The following EYA2 variants were observed in gnomAD, a reference collection of about 807,000 sequenced individuals.
EYA2 encodes the protein protein phosphatase EYA2.
Under a neutral mutation model 69.2 loss-of-function variants are expected in EYA2, and 31 were observed. The observed-to-expected ratio is 0.45, with a 90% CI of 0.34 to 0.60. The LOEUF is 0.60. Among genes scored for constraint, EYA2 ranks in the 20% least tolerant of loss-of-function variants. EYA2 has a pLI of 0.02. For synonymous variants in EYA2, 257 were observed against 279.4 expected, an observed-to-expected ratio of 0.92 and a Z score of 0.80; for missense variants, 622 against 701.2, an observed-to-expected ratio of 0.89 and a Z score of 1.28.
At chr20:47,078,331 G>GCACACACA (rs60383949) in intron 7 of EYA2, among the ~76,000 whole-genome samples, 287 of 123,812 alleles carry the variant, frequency 2.3e-3, no homozygotes, top group East Asian at 4.5e-3. Flanking sequence ...GCGCGCGCGC[G>GCACACACA]CACACACACA....
chr20:47,001,339 T>C, intron 2 of EYA2, 89 bp from the exon 3 acceptor site: 1 of 1,145,712 alleles, frequency 8.7e-7, no homozygotes, highest in African/African-American at 1.5e-5. Context: ...CCAAGTCTGC[T>C]CCTGCTTAAG....
chr20:47,030,749 G>T (rs1984363256), intron 5 of EYA2, among the ~76,000 whole-genome samples: 2 of 152,028 alleles, frequency 1.3e-5, no homozygotes. Flanking sequence ...CACAGAGAGA[G>T]AAATCTCCGG....
intron 1 of EYA2, among the ~76,000 whole-genome samples, chr20:46,946,481 GTTC>G (rs974293427): frequency 6.6e-6 from 1 of 152,086 alleles, no homozygotes. Flanking sequence ...GGCTCCCTTT[GTTC>G]TAAGAACTTT....
At chr20:47,020,570 G>A (rs994261663) in intron 5 of EYA2, among the ~76,000 whole-genome samples, 2 of 151,866 alleles carry the variant, frequency 1.3e-5, no homozygotes, top group Non-Finnish European at 2.9e-5. Context: ...GCTATTCACA[G>A]AAATAACCAC....
chr20:47,104,912 T>C (rs1404567845), intron 9 of EYA2, among the ~76,000 whole-genome samples: 1 of 152,134 alleles, frequency 6.6e-6, no homozygotes, highest in Non-Finnish European at 1.5e-5. Context: ...TCCCAGCTAC[T>C]TGGGAGGCTT....
At chr20:47,024,275 T>C (rs1983950612) in intron 5 of EYA2, among the ~76,000 whole-genome samples, 1 of 152,224 alleles carries the variant, frequency 6.6e-6, no homozygotes, top group Non-Finnish European at 1.5e-5. Context: ...AGTCTTGCTT[T>C]CAGCCTTGCC....
At chr20:47,111,973 A>G (rs1334141790) in intron 9 of EYA2, among the ~76,000 whole-genome samples, 5 of 151,818 alleles carry the variant, frequency 3.3e-5, no homozygotes, top group African/African-American at 9.7e-5. Context: ...GTACAAAAAA[A>G]AATTTTTTTT....
chr20:46,925,234 G>T (rs1237258107), intron 1 of EYA2, among the ~76,000 whole-genome samples: 1 of 152,106 alleles, frequency 6.6e-6, no homozygotes, highest in Non-Finnish European at 1.5e-5. Flanking sequence ...AAGGCCAGAG[G>T]GTGACAACTT....
At chr20:46,969,220 T>G (rs1979979502) in intron 1 of EYA2, among the ~76,000 whole-genome samples, 2 of 133,320 alleles carry the variant, frequency 1.5e-5, no homozygotes, top group South Asian at 2.3e-4. Context: ...TTGTTTTTGG[T>G]TTTTTTTTTG....
In EYA2 at chr20:47,126,531, CAAGA is replaced by C. The variant is rs1166702192; in HGVS notation, c.889-16524_889-16521del. Among the ~76,000 whole-genome samples, 12 of 152,308 alleles carry C rather than the reference CAAGA, an allele frequency of 7.9e-5. No individual in the cohort carries two copies. The South Asian group carries it at 2.3e-3, about 29-fold the overall frequency. The stretch of plus-strand genomic sequence containing the variant: ...TACTGGGCAGAGCTGCCCCTTGAGA[CAAGA>C]AAGTGGCACCTCCCACTCAGCTGGC... On this transcript the variant is annotated intron_variant, in intron 9 of 15. Transcript: ENST00000327619.
intron 10 of EYA2, among the ~76,000 whole-genome samples, chr20:47,146,832 A>G (rs2033712291): frequency 6.6e-6 from 1 of 152,230 alleles, no homozygotes; most frequent in African/African-American, 2.4e-5. Context: ...GCCAGGCCCT[A>G]ATGGAATGCT....
intron 5 of EYA2, among the ~76,000 whole-genome samples, chr20:47,055,058 A>G (rs1312697063): frequency 6.6e-6 from 1 of 152,066 alleles, no homozygotes; most frequent in Admixed American, 6.5e-5. Context: ...TCTTTACCAT[A>G]TGTCATCTTG....
chr20:47,095,452 G>T (rs1485353231), intron 8 of EYA2, among the ~76,000 whole-genome samples: 2 of 152,056 alleles, frequency 1.3e-5, no homozygotes, highest in South Asian at 2.1e-4. Context: ...TTTCAGATCT[G>T]TAGAAAGATG....
chr20:47,026,140 C>T (rs943880328), intron 5 of EYA2, among the ~76,000 whole-genome samples: 1 of 152,080 alleles, frequency 6.6e-6, no homozygotes, highest in Non-Finnish European at 1.5e-5. Context: ...AGAGAGAGAC[C>T]CACACATTTA....
intron 9 of EYA2, among the ~76,000 whole-genome samples, chr20:47,135,243 C>T (rs1429151537): frequency 6.7e-6 from 1 of 150,356 alleles, no homozygotes; most frequent in Admixed American, 6.6e-5. Context: ...TAAACTTTCA[C>T]TAAAAGGATT....
intron 1 of EYA2, among the ~76,000 whole-genome samples, chr20:46,935,349 G>C (rs1385228888): frequency 6.6e-6 from 1 of 152,198 alleles, no homozygotes; most frequent in East Asian, 1.9e-4. Flanking sequence ...ACCTCTCTGG[G>C]CCTCAGTCTC....
intron 1 of EYA2, among the ~76,000 whole-genome samples, chr20:46,931,033 C>T (rs1389835146): frequency 6.6e-6 from 1 of 152,200 alleles, no homozygotes; most frequent in Non-Finnish European, 1.5e-5. Flanking sequence ...CACACATTGT[C>T]AGGTGCCCTC....
intron 5 of EYA2, among the ~76,000 whole-genome samples, chr20:47,056,702 G>A (rs959542190): frequency 2.0e-5 from 3 of 152,138 alleles, no homozygotes; most frequent in African/African-American, 7.2e-5. Flanking sequence ...CTTCCAGCCC[G>A]TTCCAGGCTC....
At chr20:47,130,032 C>A (rs887642321) in intron 9 of EYA2, among the ~76,000 whole-genome samples, 7 of 151,168 alleles carry the variant, frequency 4.6e-5, no homozygotes, top group African/African-American at 1.7e-4. Flanking sequence ...ACCCCCACCA[C>A]GGATCAGATC....
Sources: allele counts gnomAD v4.1 joint callset (sites outside exome capture counted in the v4.1 genomes callset), GRCh38; gene constraint gnomAD v4.1.1; transcripts MANE v1.5; gene names NCBI Gene and HGNC (gene_info 2026-07-23, HGNC 2026-07-21).